Variants in APP observed in about 807,000 individuals in gnomAD.
APP encodes the protein amyloid-beta precursor protein.
Under a neutral mutation model 101.4 loss-of-function variants are expected in APP, and 31 were observed. The ratio of observed to expected loss-of-function variants is 0.31; its 90% CI spans 0.23 to 0.41. The LOEUF (loss-of-function observed/expected upper bound fraction) is 0.41, where lower values mean the gene tolerates loss of function less well. Ranked by LOEUF, APP falls within the 10% of genes least tolerant of loss-of-function variation. The pLI is 1.00. For missense variants in APP, 839 were observed against 1,003.7 expected, an observed-to-expected ratio of 0.84 and a Z score of 2.22; for synonymous variants, 366 against 364.4, an observed-to-expected ratio of 1.00 and a Z score of -0.05.
At chr21:25,911,626 C>A (rs952801375) in intron 14 of APP, 115 bp downstream of exon 14, 1 of 897,548 alleles carries the variant, frequency 1.1e-6, no homozygotes, top group Non-Finnish European at 1.7e-6. Context: ...ATGACTACAT[C>A]AAAAAAAATT....
intron 1 of APP, among the ~76,000 whole-genome samples, chr21:26,159,467 A>G (rs975348524): frequency 6.6e-6 from 1 of 152,248 alleles, no homozygotes; most frequent in African/African-American, 2.4e-5. Context: ...AACTTGCAGT[A>G]GAGACATAAA....
chr21:26,157,578 C>A (rs1233317372), intron 1 of APP, among the ~76,000 whole-genome samples: 1 of 152,188 alleles, frequency 6.6e-6, no homozygotes, highest in Non-Finnish European at 1.5e-5. Context: ...TCCAAATACT[C>A]TAACAATGAT....
chr21:25,881,771 C>G lies in APP; in HGVS notation c.2212G>C (p.Val738Leu). Residue 738 changes from valine (V) to leucine (L), a missense_variant and splice_region_variant, in exon 18 of 18, where the codon GTT (valine) becomes CTT (leucine). Coordinates refer to ENST00000346798, the MANE Select transcript of APP (RefSeq NM_000484.4). Reference sequence around the variant, plus strand: ...TCCTCTGGGGTGACAGCGGCGTCAACCTGAAAAACAAGAGGAGAGCTGAGT... The same window carrying G: ...TCCTCTGGGGTGACAGCGGCGTCAAGCTGAAAAACAAGAGGAGAGCTGAGT... ...YTSIHHGVVE[V>L]DAAVTPEERH... 6.2e-7 allele frequency: 1 copy of G among 1,613,182 alleles called. No homozygotes were observed. The highest frequency in any genetic ancestry group is 8.5e-7 in the Non-Finnish European group (1 of 1,179,972).
chr21:25,976,091 T>A, intron 9 of APP, 63 bp from the exon 10 acceptor site: 1 of 1,310,232 alleles, frequency 7.6e-7, no homozygotes, highest in Non-Finnish European at 1.1e-6. Context: ...ACAGACTTAA[T>A]AGGATGGATG....
intron 1 of APP, among the ~76,000 whole-genome samples, chr21:26,154,456 T>A (rs967452431): frequency 6.6e-6 from 1 of 152,112 alleles, no homozygotes; most frequent in African/African-American, 2.4e-5. Context: ...CCCTACATCA[T>A]CTCATATATG....
At chr21:26,080,656 A>G (rs2146075785) in intron 3 of APP, among the ~76,000 whole-genome samples, 2 of 151,976 alleles carry the variant, frequency 1.3e-5, no homozygotes, top group Admixed American at 1.3e-4. Flanking sequence ...CTGTAATCCC[A>G]GCTACTCGGT....
intron 13 of APP, among the ~76,000 whole-genome samples, chr21:25,918,153 T>C (rs1428293317): frequency 6.6e-6 from 1 of 152,182 alleles, no homozygotes; most frequent in Non-Finnish European, 1.5e-5. Flanking sequence ...AGAAATACCA[T>C]TTGACCCAGC....
chr21:25,889,623 T>G (rs1184640971), intron 17 of APP, among the ~76,000 whole-genome samples: 3 of 152,106 alleles, frequency 2.0e-5, no homozygotes, highest in East Asian at 3.9e-4. Flanking sequence ...GGCGGATCAC[T>G]TGAGGCCAGG....
At chr21:26,004,050 G>A (rs746027420) in intron 6 of APP, among the ~76,000 whole-genome samples, 1 of 152,130 alleles carries the variant, frequency 6.6e-6, no homozygotes, top group Non-Finnish European at 1.5e-5. Flanking sequence ...CCTACTCTGG[G>A]AGAAGCTGGG....
chr21:25,892,249 T>C (rs2037748940), intron 16 of APP, among the ~76,000 whole-genome samples: 1 of 152,070 alleles, frequency 6.6e-6, no homozygotes, highest in East Asian at 1.9e-4. Context: ...CTTGGATCTA[T>C]CAAAAGCTGG....
chr21:26,000,434 G>A (rs2043244518), intron 6 of APP, among the ~76,000 whole-genome samples: 1 of 152,152 alleles, frequency 6.6e-6, no homozygotes, highest in African/African-American at 2.4e-5. Flanking sequence ...CCGGCCAAAG[G>A]TGAAAAGATC....
intron 13 of APP, among the ~76,000 whole-genome samples, chr21:25,946,156 T>C (rs1343662712): frequency 6.6e-6 from 1 of 152,196 alleles, no homozygotes; most frequent in African/African-American, 2.4e-5. Flanking sequence ...GTTGTAACCT[T>C]GTTTCGGACA....
At chr21:25,897,707 A>G (rs1221820383) in intron 15 of APP, 34 bp from the exon 16 acceptor site, 1 of 1,545,838 alleles carries the variant, frequency 6.5e-7, no homozygotes, top group African/African-American at 1.4e-5. Context: ...ATGCAGGACA[A>G]CCAATTAGTT....
At chr21:26,096,451 G>A (rs929009902) in intron 2 of APP, among the ~76,000 whole-genome samples, 1 of 110 alleles carries the variant, frequency 9.1e-3, no homozygotes, top group Non-Finnish European at 0.016. Context: ...ATTAGTGACT[G>A]TATTTCAAAC....
intron 14 of APP, among the ~76,000 whole-genome samples, chr21:25,910,599 TGAAA>T (rs775240711): frequency 3.9e-5 from 6 of 152,210 alleles, no homozygotes; most frequent in Non-Finnish European, 7.3e-5. Context: ...TAAAAGAAGC[TGAAA>T]GATATTCTTG....
chr21:26,101,629 G>GAA (rs1477023095), intron 2 of APP, among the ~76,000 whole-genome samples: 40 of 152,092 alleles, frequency 2.6e-4, no homozygotes, highest in African/African-American at 7.7e-4. Flanking sequence ...TCATGAATGA[G>GAA]GGGATGGACA....
chr21:25,915,972 C>T (rs888794768), intron 13 of APP, among the ~76,000 whole-genome samples: 2 of 148,910 alleles, frequency 1.3e-5, no homozygotes, highest in East Asian at 1.9e-4. Flanking sequence ...ACTTAGCCTT[C>T]GTTTTTTTTT....
rs2044718749 is a variant in APP, at chr21:26,029,339, CAA to C, written c.663-7299_663-7298del. ...CAGGAGCTAGGGGTACACTGGAAAG[CAA>C]AGGTGGCTCACAAGGCAAGTAGCCA... is the stretch of plus-strand genomic sequence containing the variant. On this transcript the variant is annotated intron_variant, in intron 5 of 17. Transcript: ENST00000346798. Among the ~76,000 whole-genome samples, 8 of 123,146 alleles carry C rather than the reference CAA, an allele frequency of 6.5e-5. No individual in the cohort carries two copies. The Admixed American group carries it at 6.7e-4, about 10-fold the overall frequency. 80.8% of individuals were successfully genotyped at this position (123,146 alleles called of 152,430 possible). A position where few individuals can be genotyped will look rare whatever the true frequency, so the allele number is the denominator to read the frequency against.
intron 17 of APP, among the ~76,000 whole-genome samples, chr21:25,890,041 C>G (rs543659509): frequency 6.6e-6 from 1 of 152,144 alleles, no homozygotes; most frequent in Non-Finnish European, 1.5e-5. Context: ...GAAAACCTAT[C>G]TTACACTGTT....
Sources: gnomAD v4.1 joint callset for allele counts (sites outside exome capture counted in the v4.1 genomes callset) on GRCh38, gnomAD v4.1.1 for gene constraint, MANE v1.5 for transcripts, NCBI Gene and HGNC (gene_info 2026-07-23, HGNC 2026-07-21) for gene names.